Variants in PLXNA2 observed in about 807,000 individuals in gnomAD.
The protein encoded by PLXNA2 is plexin-A2.
A neutral mutation model predicts 193.5 loss-of-function variants in PLXNA2; 91 were observed. The observed-to-expected ratio is 0.47, with a 90% CI of 0.40 to 0.56. PLXNA2 has a LOEUF of 0.56. Among genes scored for constraint, PLXNA2 ranks in the 20% least tolerant of loss-of-function variants. The pLI, the probability that PLXNA2 is intolerant of heterozygous loss-of-function variation, is 0.00. For synonymous variants in PLXNA2, 997 were observed against 1,027.3 expected (o/e 0.97, Z 0.56); for missense variants, 1,995 against 2,503.2 (o/e 0.80, Z 4.33).
At position 208,042,380 on chromosome 1, in the gene PLXNA2, T is replaced by C; in HGVS notation, c.4018-14A>G. 1 of 1,610,158 alleles carries C rather than the reference T, an allele frequency of 6.2e-7. No homozygotes were observed. Among genetic ancestry groups the C allele is most frequent in the Non-Finnish European group, 8.5e-7 (1 of 1,177,468 alleles). On this transcript the variant is annotated splice_polypyrimidine_tract_variant and intron_variant, in intron 21 of 31. Coordinates refer to ENST00000367033, the MANE Select transcript of PLXNA2 (RefSeq NM_025179.4). ...GTTTCCTTGTACCTGGGGTGGGGTG[T>C]GGTGGAGGCGACGCCCTCAGAGGAC... is the stretch of plus-strand genomic sequence containing the variant.
chr1:208,094,345 T>C (rs1358422309), intron 8 of PLXNA2, among the ~76,000 whole-genome samples: 3 of 152,204 alleles, frequency 2.0e-5, no homozygotes, highest in Non-Finnish European at 4.4e-5. Flanking sequence ...CTATACTTGA[T>C]TCCATGAATT....
chr1:208,087,019 G>A (rs1666552474), intron 9 of PLXNA2, among the ~76,000 whole-genome samples: 1 of 148,662 alleles, frequency 6.7e-6, no homozygotes, highest in Admixed American at 6.7e-5. Context: ...GAGAGAGACA[G>A]ACAGACAGAC....
At chr1:208,082,000 GA>G (rs1370691828) in intron 11 of PLXNA2, among the ~76,000 whole-genome samples, 1 of 152,098 alleles carries the variant, frequency 6.6e-6, no homozygotes, top group Non-Finnish European at 1.5e-5. Context: ...TCAGGAACTG[GA>G]GAGCAGCCTT....
intron 13 of PLXNA2, among the ~76,000 whole-genome samples, chr1:208,056,054 T>C (rs1463380162): frequency 6.6e-6 from 1 of 152,206 alleles, no homozygotes. Flanking sequence ...GAAACCCCAT[T>C]AGGGGAGCAT....
intron 3 of PLXNA2, among the ~76,000 whole-genome samples, chr1:208,147,633 T>C (rs1668639831): frequency 6.6e-6 from 1 of 152,230 alleles, no homozygotes; most frequent in Non-Finnish European, 1.5e-5. Flanking sequence ...TTAAATCCCA[T>C]TTTATAGATA....
rs773089778 is a variant in PLXNA2, at chr1:208,216,816, C to T, written c.1107G>A (p.Glu369=). 3 of 1,614,184 alleles carry T rather than the reference C, an allele frequency of 1.9e-6. No homozygotes were observed. The highest frequency in any genetic ancestry group is 2.5e-6 in the Non-Finnish European group (3 of 1,180,038). ...CGCCCTGGTAGCAGGACTGCAGGCG[C>T]TCCTTGATCTGCAAGTTGATGGCCC... ...PIRAINLQIK[E]RLQSCYQGEG... Residue 369 remains glutamate (E), a synonymous_variant, in exon 2 of 32, where the codon GAG becomes GAA. Coordinates refer to ENST00000367033, the MANE Select transcript of PLXNA2 (RefSeq NM_025179.4).
chr1:208,031,438 G>T, intron 29 of PLXNA2, 152 bp downstream of exon 29: 1 of 1,297,782 alleles, frequency 7.7e-7, no homozygotes, highest in Non-Finnish European at 1.0e-6. Context: ...GCTCTGCAGA[G>T]CATATGTGCA....
intron 28 of PLXNA2, 37 bp from the exon 29 acceptor site, chr1:208,031,796 GT>G: frequency 6.7e-7 from 1 of 1,497,590 alleles, no homozygotes; most frequent in Non-Finnish European, 9.1e-7. Context: ...ATGGAGGGGG[GT>G]GACGGCAGGT....
At chr1:208,074,230 C>G (rs148366012) in intron 12 of PLXNA2, among the ~76,000 whole-genome samples, 1 of 152,210 alleles carries the variant, frequency 6.6e-6, no homozygotes, top group Non-Finnish European at 1.5e-5. Context: ...GCTCCTAACA[C>G]CCTCCTCTTT....
At chr1:208,108,772 T>C (rs1235436548) in intron 4 of PLXNA2, among the ~76,000 whole-genome samples, 1 of 152,168 alleles carries the variant, frequency 6.6e-6, no homozygotes, top group Non-Finnish European at 1.5e-5. Flanking sequence ...AGGAAATAGA[T>C]AATCTCAATA....
At chr1:208,225,475 AATTTTT>A (rs1671480477) in intron 1 of PLXNA2, among the ~76,000 whole-genome samples, 1 of 152,078 alleles carries the variant, frequency 6.6e-6, no homozygotes, top group South Asian at 2.1e-4. Context: ...ACACCTGGCT[AATTTTT>A]ATTTTTATTT....
intron 9 of PLXNA2, among the ~76,000 whole-genome samples, chr1:208,092,115 A>G (rs1424486361): frequency 2.0e-5 from 3 of 152,230 alleles, no homozygotes; most frequent in Non-Finnish European, 4.4e-5. Context: ...ATGAATATAT[A>G]AGAAAGTAGA....
At chr1:208,061,706 A>G (rs2478822) in intron 12 of PLXNA2, among the ~76,000 whole-genome samples, 147,002 of 152,276 alleles carry the variant, frequency 0.97, 71,184 homozygotes, top group Middle Eastern at 1. Context: ...AGCAGAATCC[A>G]GGTCTCTCAA....
intron 4 of PLXNA2, among the ~76,000 whole-genome samples, chr1:208,113,270 T>C (rs1667542539): frequency 2.0e-5 from 3 of 152,180 alleles, no homozygotes; most frequent in Admixed American, 2.0e-4. Flanking sequence ...TGGGGTGGGG[T>C]GATAAGGCAG....
In PLXNA2 at chr1:208,027,134, G is replaced by A. The variant is rs1464823362; in HGVS notation, c.*109C>T. On this transcript the variant is annotated 3_prime_UTR_variant, in exon 32 of 32. Coordinates refer to ENST00000367033, the MANE Select transcript of PLXNA2 (RefSeq NM_025179.4). ...CCCTCTCCCCAGGATGGGGTCTCAG[G>A]GGACAGCAAGCTCTGGGGCCTGATC... The A allele has an allele frequency of 4.9e-6, 5 of 1,021,106 alleles. No individual in the cohort carries two copies. Among genetic ancestry groups the A allele is most frequent in the East Asian group, 2.5e-5 (1 of 40,616 alleles). 63.3% of individuals were successfully genotyped at this position (1,021,106 alleles called of 1,614,324 possible). A position where few individuals can be genotyped will look rare whatever the true frequency, so the allele number is the denominator to read the frequency against.
At chr1:208,140,606 T>C (rs1173642531) in intron 4 of PLXNA2, among the ~76,000 whole-genome samples, 1 of 152,254 alleles carries the variant, frequency 6.6e-6, no homozygotes, top group African/African-American at 2.4e-5. Flanking sequence ...TATCTATATC[T>C]GCATAAGTGC....
At position 208,033,412 on chromosome 1, in the gene PLXNA2, C is replaced by T. The variant is rs1664567604; in HGVS notation, c.4962G>A (p.Leu1654=). The change falls in exon 28 of 32, where the codon CTG becomes CTA. Residue 1654 remains leucine (L), a synonymous_variant. Coordinates refer to ENST00000367033, the MANE Select transcript of PLXNA2 (RefSeq NM_025179.4). ...GGTCACCGTGGTCATGGTTCTTCAC[C>T]AGATGCCACACCTTGACCCCACTTT... is the stretch of plus-strand genomic sequence containing the variant. ...DLESGVKVWH[L]VKNHDHGDQK... is the part of the protein sequence containing the mutation. 1 of 1,614,060 alleles carries T rather than the reference C, an allele frequency of 6.2e-7. No homozygotes were observed. Among genetic ancestry groups the T allele is most frequent in the Admixed American group, 1.7e-5 (1 of 60,012 alleles).
In PLXNA2 at chr1:208,029,103, A is replaced by G. The variant is rs764286350; in HGVS notation, c.5226-61T>C. ...GCGGGCCGTGCCCCTTCTGCTGCCC[A>G]CTGATATTCTTCCCCATCAAAGGTC... On this transcript the variant is annotated intron_variant, in intron 29 of 31. Transcript: ENST00000367033. 5.5e-5 allele frequency: 88 copies of G among 1,593,338 alleles called. No homozygotes were observed. In the African/African-American group the frequency reaches 1.1e-3, roughly 20 times the overall value.
intron 4 of PLXNA2, among the ~76,000 whole-genome samples, chr1:208,113,781 C>A (rs537505946): frequency 1.3e-5 from 2 of 152,158 alleles, no homozygotes; most frequent in African/African-American, 2.4e-5. Context: ...GTCTTGAACC[C>A]CTGGGCTCAA....
Sources: allele counts gnomAD v4.1 joint callset (sites outside exome capture counted in the v4.1 genomes callset), GRCh38; gene constraint gnomAD v4.1.1; transcripts MANE v1.5; gene names NCBI Gene and HGNC (gene_info 2026-07-23, HGNC 2026-07-21).